COP1: variants seen among roughly 807,000 people sequenced by gnomAD.
COP1 encodes E3 ubiquitin-protein ligase COP1.
In COP1, 24 loss-of-function variants were observed where a neutral mutation model predicts 101.3. The observed-to-expected ratio is 0.24, with a 90% confidence interval of 0.17 to 0.33. The LOEUF is 0.33. Among genes scored for constraint, COP1 ranks in the 10% least tolerant of loss-of-function variants. The pLI is 1.00. For missense variants in COP1, 663 were observed against 906.2 expected (o/e 0.73, Z 3.45); for synonymous variants, 347 against 341.9 (o/e 1.01, Z -0.17).
intron 15 of COP1, among the ~76,000 whole-genome samples, chr1:176,012,246 A>T (rs897006291): frequency 2.6e-5 from 4 of 152,096 alleles, no homozygotes; most frequent in Non-Finnish European, 5.9e-5. Flanking sequence ...TGAATTTCCC[A>T]CCTCAGCCTT....
At chr1:176,007,074 C>T (rs1207421846) in intron 15 of COP1, among the ~76,000 whole-genome samples, 2 of 152,120 alleles carry the variant, frequency 1.3e-5, no homozygotes, top group Non-Finnish European at 2.9e-5. Context: ...CTCTAAACTT[C>T]CCATCTCGCT....
intron 17 of COP1, among the ~76,000 whole-genome samples, chr1:175,987,486 C>T (rs1186030970): frequency 6.6e-6 from 1 of 152,080 alleles, no homozygotes; most frequent in Non-Finnish European, 1.5e-5. Context: ...TCTTAAATTA[C>T]ATTTAGGAAG....
chr1:176,168,205 G>A (rs539737323), intron 3 of COP1, among the ~76,000 whole-genome samples: 14 of 151,762 alleles, frequency 9.2e-5, no homozygotes, highest in Admixed American at 2.6e-4. Flanking sequence ...TTACCGGTGC[G>A]CACCACCACA....
chr1:176,007,817 C>G lies in COP1; in HGVS notation c.1730-18338G>C, dbSNP rs368355116. On this transcript the variant is annotated intron_variant, in intron 15 of 19. Coordinates refer to ENST00000367669, the MANE Select transcript of COP1 (RefSeq NM_022457.7). ...TTTTTGTTTGTGTGTGCCCTGTCCC[C>G]AGAGGTGGAGCCTACAGAGGCAGGC... Among the ~76,000 whole-genome samples the G allele has an allele frequency of 3.9e-5, 6 of 152,310 alleles. No homozygotes were observed. The East Asian group carries it at 1.2e-3, about 29-fold the overall frequency.
intron 18 of COP1, among the ~76,000 whole-genome samples, chr1:175,961,752 AAGT>A (rs1048642110): frequency 5.7e-4 from 86 of 151,836 alleles, no homozygotes; most frequent in African/African-American, 2.1e-3. Context: ...GCAACTGAAG[AAGT>A]AAGAAGAGAG....
chr1:176,056,907 C>T (rs1388596040), intron 11 of COP1, among the ~76,000 whole-genome samples: 1 of 152,182 alleles, frequency 6.6e-6, no homozygotes, highest in Non-Finnish European at 1.5e-5. Flanking sequence ...AATGTATCTA[C>T]TAAGTTTCTA....
At chr1:176,077,388 A>T (rs1239548185) in intron 11 of COP1, among the ~76,000 whole-genome samples, 3 of 152,140 alleles carry the variant, frequency 2.0e-5, no homozygotes, top group Admixed American at 6.5e-5. Context: ...TAAATAGAAT[A>T]AAAAACAAAA....
intron 15 of COP1, among the ~76,000 whole-genome samples, chr1:176,000,729 CT>C (rs547680183): frequency 1.8e-4 from 26 of 146,930 alleles, no homozygotes; most frequent in East Asian, 1.4e-3. Flanking sequence ...TGCAATGTTG[CT>C]TTTTTTTTTG....
chr1:176,096,195 A>C (rs1682330610), intron 9 of COP1, among the ~76,000 whole-genome samples: 4 of 152,298 alleles, frequency 2.6e-5, no homozygotes, highest in Admixed American at 6.5e-5. Flanking sequence ...GGCCAAAGGA[A>C]GGGTGAGTAA....
intron 5 of COP1, among the ~76,000 whole-genome samples, chr1:176,162,174 T>C (rs772097292): frequency 2.6e-5 from 4 of 152,156 alleles, no homozygotes; most frequent in Non-Finnish European, 5.9e-5. Context: ...TCTAATCTTC[T>C]CAAAGTTTGG....
At chr1:175,973,503 C>T (rs1653778492) in intron 18 of COP1, among the ~76,000 whole-genome samples, 1 of 152,134 alleles carries the variant, frequency 6.6e-6, no homozygotes, top group South Asian at 2.1e-4. Context: ...CTAAATGTTA[C>T]ACATTTTAAA....
At chr1:175,978,839 T>A (rs189922620) in intron 18 of COP1, among the ~76,000 whole-genome samples, 4 of 152,152 alleles carry the variant, frequency 2.6e-5, no homozygotes, top group Admixed American at 6.5e-5. Context: ...TCCGCACTCA[T>A]TGAGGAATTT....
At chr1:176,153,625 G>A (rs1040265214) in intron 5 of COP1, among the ~76,000 whole-genome samples, 2 of 152,138 alleles carry the variant, frequency 1.3e-5, no homozygotes, top group Non-Finnish European at 2.9e-5. Context: ...TCACCATGTT[G>A]AATAAACAGG....
intron 9 of COP1, among the ~76,000 whole-genome samples, chr1:176,113,378 T>C (rs2149577437): frequency 6.6e-6 from 1 of 152,326 alleles, no homozygotes; most frequent in East Asian, 1.9e-4. Flanking sequence ...TTTGTCAATT[T>C]TTAAATTGGA....
At chr1:176,156,650 T>G (rs1219784851) in intron 5 of COP1, among the ~76,000 whole-genome samples, 2 of 152,124 alleles carry the variant, frequency 1.3e-5, no homozygotes, top group East Asian at 3.9e-4. Flanking sequence ...TGTGGCTCTA[T>G]CAGTATCAGA....
chr1:176,151,350 A>G (rs548424199), intron 5 of COP1, among the ~76,000 whole-genome samples: 1 of 136,702 alleles, frequency 7.3e-6, no homozygotes, highest in East Asian at 2.2e-4. Flanking sequence ...AAGGAAAGAA[A>G]GAAAAAGAAA....
intron 11 of COP1, among the ~76,000 whole-genome samples, chr1:176,070,126 T>C (rs759875357): frequency 1.3e-5 from 2 of 152,102 alleles, no homozygotes; most frequent in Non-Finnish European, 2.9e-5. Context: ...AGTATCCCCA[T>C]CTCTGTAAAT....
intron 2 of COP1, among the ~76,000 whole-genome samples, chr1:176,177,908 T>C (rs1697186165): frequency 1.3e-5 from 2 of 152,166 alleles, no homozygotes; most frequent in South Asian, 4.1e-4. Flanking sequence ...AGAATCAAAG[T>C]AACAGTGGTC....
chr1:176,085,221 C>T (rs1679918600), intron 10 of COP1, among the ~76,000 whole-genome samples: 1 of 152,040 alleles, frequency 6.6e-6, no homozygotes. Context: ...CTACACTGAT[C>T]ATTCCCTTAC....
Sources: allele counts gnomAD v4.1 joint callset (sites outside exome capture counted in the v4.1 genomes callset), GRCh38; gene constraint gnomAD v4.1.1; transcripts MANE v1.5; gene names NCBI Gene and HGNC (gene_info 2026-07-23, HGNC 2026-07-21).